The following EFCAB11 variants were observed in gnomAD, a reference collection of about 807,000 sequenced individuals.
The protein encoded by EFCAB11 is EF-hand calcium binding domain 11.
In EFCAB11, 14 loss-of-function variants were observed where a neutral mutation model predicts 23.0. That is an observed-to-expected ratio of 0.61 (90% confidence interval 0.40 to 0.95). The LOEUF is 0.95. EFCAB11 is among the 40% of genes least tolerant of loss of function. The pLI is 0.00. For missense variants in EFCAB11, 198 were observed against 195.8 expected (o/e 1.01, Z -0.07); for synonymous variants, 65 against 66.6 (o/e 0.98, Z 0.11).
At position 89,850,632 on chromosome 14, in the gene EFCAB11, G is replaced by A. The variant is rs928880165; in HGVS notation, c.411-53308C>T. On this transcript the variant is annotated intron_variant, in intron 5 of 5. Transcript: ENST00000316738. Reference sequence around the variant, plus strand: ...TGTTTTAAACCTACCTCCATTCTAAGCCCTTGCTTTTGTATGTGTAAGTCC... The same window carrying A: ...TGTTTTAAACCTACCTCCATTCTAAACCCTTGCTTTTGTATGTGTAAGTCC... Among the ~76,000 whole-genome samples, 4 of 152,210 alleles carry A rather than the reference G, an allele frequency of 2.6e-5. No individual in the cohort carries two copies. The East Asian group carries it at 7.7e-4, about 29-fold the overall frequency.
chr14:89,838,850 A>C (rs1887166635), intron 5 of EFCAB11, among the ~76,000 whole-genome samples: 1 of 152,278 alleles, frequency 6.6e-6, no homozygotes, highest in African/African-American at 2.4e-5. Context: ...GTGATATTTT[A>C]GCAAAGATGT....
intron 5 of EFCAB11, among the ~76,000 whole-genome samples, chr14:89,864,235 A>G (rs1888016715): frequency 1.3e-5 from 2 of 152,210 alleles, no homozygotes. Context: ...AAATAATTGC[A>G]TAACTGAGCC....
At chr14:89,889,531 G>C (rs1888897208) in intron 5 of EFCAB11, among the ~76,000 whole-genome samples, 1 of 152,214 alleles carries the variant, frequency 6.6e-6, no homozygotes, top group South Asian at 2.1e-4. Context: ...AGACCTGACT[G>C]CAATTCTGCT....
intron 5 of EFCAB11, among the ~76,000 whole-genome samples, chr14:89,893,874 C>A (rs565357969): frequency 1.1e-3 from 162 of 151,396 alleles, no homozygotes; most frequent in Non-Finnish European, 1.9e-3. Context: ...TAAAACTATA[C>A]ATACATATAC....
chr14:89,795,091 C>T lies in EFCAB11; in HGVS notation c.*2152G>A, dbSNP rs1217116383. 2.0e-5 allele frequency: 3 copies of T among 149,874 alleles called. No individual in the cohort carries two copies. Among genetic ancestry groups the T allele is most frequent in the African/African-American group, 7.3e-5 (3 of 40,830 alleles). 9.3% of individuals were successfully genotyped at this position (149,874 alleles called of 1,614,324 possible). A position where few individuals can be genotyped will look rare whatever the true frequency, so the allele number is the denominator to read the frequency against. The stretch of plus-strand genomic sequence containing the variant: ...CTCCCAGGTTCATGCTATTCTCCTG[C>T]CTCAGCCTCCCGAGCAGCTGGGACT... On this transcript the variant is annotated 3_prime_UTR_variant, in exon 6 of 6. Transcript: ENST00000316738.
At chr14:89,949,688 T>C (rs1043902136) in intron 3 of EFCAB11, among the ~76,000 whole-genome samples, 1 of 152,158 alleles carries the variant, frequency 6.6e-6, no homozygotes, top group African/African-American at 2.4e-5. Context: ...TTAATTTTCA[T>C]TTTGTGAGTG....
chr14:89,841,033 C>T lies in EFCAB11; in HGVS notation c.411-43709G>A, dbSNP rs1310129870. Among the ~76,000 whole-genome samples the T allele has an allele frequency of 3.9e-5, 6 of 152,274 alleles. No individual in the cohort carries two copies. In the East Asian group the frequency reaches 7.7e-4, roughly 20 times the overall value. The stretch of plus-strand genomic sequence containing the variant: ...GAGCCCCTCTGGCCTTCCAGTCTCC[C>T]GTGTCTTCTTCCTCACACTGCCTTG... On this transcript the variant is annotated intron_variant, in intron 5 of 5. Coordinates refer to ENST00000316738, the MANE Select transcript of EFCAB11 (RefSeq NM_145231.4).
chr14:89,834,711 G>A (rs1434795552), intron 5 of EFCAB11, among the ~76,000 whole-genome samples: 1 of 152,214 alleles, frequency 6.6e-6, no homozygotes, highest in African/African-American at 2.4e-5. Context: ...AGAGGTTCAA[G>A]GCAGTTTCAG....
chr14:89,902,846 C>G (rs1889384049), intron 5 of EFCAB11, among the ~76,000 whole-genome samples: 1 of 152,156 alleles, frequency 6.6e-6, no homozygotes, highest in African/African-American at 2.4e-5. Flanking sequence ...GTTACTAAAG[C>G]TATTACATTA....
At chr14:89,875,898 G>C (rs138699814) in intron 5 of EFCAB11, among the ~76,000 whole-genome samples, 63 of 152,312 alleles carry the variant, frequency 4.1e-4, no homozygotes, top group African/African-American at 1.4e-3. Flanking sequence ...ATTCACCAAG[G>C]GAGAGTGGAA....
intron 5 of EFCAB11, among the ~76,000 whole-genome samples, chr14:89,853,190 T>A (rs1764203161): frequency 6.6e-6 from 1 of 152,008 alleles, no homozygotes; most frequent in South Asian, 2.1e-4. Flanking sequence ...CATAAACAGG[T>A]TTGGCAGCAA....
intron 5 of EFCAB11, among the ~76,000 whole-genome samples, chr14:89,873,419 C>T (rs973581701): frequency 2.9e-4 from 44 of 152,222 alleles, no homozygotes; most frequent in African/African-American, 1.0e-3. Flanking sequence ...CTGTCCCTGG[C>T]CCCTCCCAAA....
Position 89,796,258 on chromosome 14 carries a change from T to A in EFCAB11, c.*985A>T, listed in dbSNP as rs947262348. ...CCTGGGACCACTTTACAGTGATGAT[T>A]TGGACTCAGGGACATTATCTTAGAG... On this transcript the variant is annotated 3_prime_UTR_variant, in exon 6 of 6. Transcript: ENST00000316738. 1 of 152,258 alleles carries A rather than the reference T, an allele frequency of 6.6e-6. No individual in the cohort carries two copies. The highest frequency in any genetic ancestry group is 6.5e-5 in the Admixed American group (1 of 15,284). The allele number at this position is 152,258 out of a possible 1,614,324, so 9.4% of individuals were successfully genotyped here.
rs550576626 is a variant in EFCAB11, at chr14:89,911,620, T to C, written c.410+19921A>G. Among the ~76,000 whole-genome samples the C allele has an allele frequency of 5.3e-5, 8 of 152,336 alleles. 1 individual carries two copies. The highest frequency in any genetic ancestry group is 1.9e-4 in the African/African-American group (8 of 41,572). On this transcript the variant is annotated intron_variant, in intron 5 of 5. Coordinates refer to ENST00000316738, the MANE Select transcript of EFCAB11 (RefSeq NM_145231.4). ...CCCTGTAAATACTTCTCAGCCACCATCCTAGTATCCACAGTCTTGAGATGA... is the reference window on the plus strand; with the variant it reads ...CCCTGTAAATACTTCTCAGCCACCACCCTAGTATCCACAGTCTTGAGATGA...
chr14:89,927,937 G>A (rs1890247004), intron 5 of EFCAB11, among the ~76,000 whole-genome samples: 1 of 152,108 alleles, frequency 6.6e-6, no homozygotes, highest in Non-Finnish European at 1.5e-5. Context: ...TGGCCAGGCT[G>A]GTCTGGAACT....
intron 5 of EFCAB11, among the ~76,000 whole-genome samples, chr14:89,889,062 G>T (rs1888880060): frequency 6.6e-6 from 1 of 152,200 alleles, no homozygotes; most frequent in Non-Finnish European, 1.5e-5. Context: ...CACAGAGGCA[G>T]AGAAAAGCCT....
chr14:89,905,844 T>C (rs2140208733), intron 5 of EFCAB11, among the ~76,000 whole-genome samples: 1 of 152,178 alleles, frequency 6.6e-6, no homozygotes, highest in African/African-American at 2.4e-5. Flanking sequence ...GAAAGGGACT[T>C]GGTAATTGAA....
At chr14:89,949,807 C>A (rs1434496225) in intron 3 of EFCAB11, among the ~76,000 whole-genome samples, 2 of 152,160 alleles carry the variant, frequency 1.3e-5, no homozygotes, top group Non-Finnish European at 2.9e-5. Flanking sequence ...AGAAACCTCA[C>A]AATCATGGCA....
At chr14:89,808,744 TG>T (rs1886056709) in intron 5 of EFCAB11, among the ~76,000 whole-genome samples, 4 of 152,214 alleles carry the variant, frequency 2.6e-5, no homozygotes, top group Non-Finnish European at 5.9e-5. Flanking sequence ...ACTCTATTAA[TG>T]GAGTCCACTC....
Sources: allele counts gnomAD v4.1 joint callset (sites outside exome capture counted in the v4.1 genomes callset), GRCh38; gene constraint gnomAD v4.1.1; transcripts MANE v1.5; gene names NCBI Gene and HGNC (gene_info 2026-07-23, HGNC 2026-07-21).